The following GARIN1B variants were observed in gnomAD, a reference collection of about 807,000 sequenced individuals.
The protein encoded by GARIN1B is golgi associated RAB2 interactor 1B.
chr7:128,720,525 G>C, the GARIN1B span, among the ~76,000 whole-genome samples: 1 of 152,120 alleles, frequency 6.6e-6, no homozygotes, highest in Non-Finnish European at 1.5e-5. Flanking sequence ...GCATACCTAA[G>C]AACTCTTTGT....
At chr7:128,725,843 G>A in the GARIN1B span, among the ~76,000 whole-genome samples, 1 of 152,144 alleles carries the variant, frequency 6.6e-6, no homozygotes, top group African/African-American at 2.4e-5. Context: ...CCAGGGAGAA[G>A]GCAAAAAGGG....
At chr7:128,710,894 G>GT in the GARIN1B span, among the ~76,000 whole-genome samples, 1 of 152,020 alleles carries the variant, frequency 6.6e-6, no homozygotes, top group African/African-American at 2.4e-5. Context: ...CCAACCTCAG[G>GT]TGATCCGCCC....
the GARIN1B span, among the ~76,000 whole-genome samples, chr7:128,712,245 T>A: frequency 7.2e-5 from 11 of 152,346 alleles, no homozygotes; most frequent in African/African-American, 2.6e-4. Context: ...CCTCTAGCAA[T>A]TTTGTATCAT....
chr7:128,719,457 C>T, the GARIN1B span, among the ~76,000 whole-genome samples: 1 of 151,832 alleles, frequency 6.6e-6, no homozygotes, highest in Admixed American at 6.6e-5. Flanking sequence ...AAAAATACCC[C>T]CTCGCCCATT....
chr7:128,714,060 C>A, the GARIN1B span: 1 of 1,535,628 alleles, frequency 6.5e-7, no homozygotes, highest in South Asian at 1.2e-5. Context: ...TTTACTGAGC[C>A]AGGAGCTATA....
the GARIN1B span, chr7:128,718,719 T>G: frequency 8.0e-4 from 1,095 of 1,376,952 alleles, 12 homozygotes; most frequent in African/African-American, 0.014. Context: ...AGCACCCTCT[T>G]TTCTACCTCC....
the GARIN1B span, chr7:128,724,664 G>A: frequency 8.2e-7 from 1 of 1,223,846 alleles, no homozygotes; most frequent in Non-Finnish European, 1.1e-6. Flanking sequence ...GGGTCCTAGT[G>A]CCTATTACTT....
the GARIN1B span, chr7:128,729,753 A>G: frequency 1.0e-5 from 8 of 795,108 alleles, no homozygotes; most frequent in Non-Finnish European, 1.6e-5. Flanking sequence ...CTCTGACCTC[A>G]CAGAGGTGAG....
the GARIN1B span, among the ~76,000 whole-genome samples, chr7:128,709,724 C>A: frequency 7.3e-6 from 1 of 136,644 alleles, no homozygotes; most frequent in African/African-American, 2.7e-5. Flanking sequence ...ACATGCTAGA[C>A]AAATTCTCTC....
chr7:128,712,174 T>C, the GARIN1B span, among the ~76,000 whole-genome samples: 17 of 152,364 alleles, frequency 1.1e-4, no homozygotes, highest in African/African-American at 3.4e-4. Flanking sequence ...ACCACAAAGA[T>C]AATAAAACTT....
At chr7:128,717,188 T>C in the GARIN1B span, among the ~76,000 whole-genome samples, 7 of 152,038 alleles carry the variant, frequency 4.6e-5, no homozygotes, top group Admixed American at 2.6e-4. Flanking sequence ...CAAAGGGAGA[T>C]GTCATGTGGA....
chr7:128,714,212 T>C, the GARIN1B span: 2 of 1,351,886 alleles, frequency 1.5e-6, no homozygotes, highest in African/African-American at 2.9e-5. Context: ...TTGTCCTTTG[T>C]GTGTAATGAT....
At chr7:128,720,063 G>A in the GARIN1B span, among the ~76,000 whole-genome samples, 1 of 152,034 alleles carries the variant, frequency 6.6e-6, no homozygotes, top group East Asian at 1.9e-4. Context: ...GTATATTCTG[G>A]ATACAAGTTC....
chr7:128,725,411 G>C, the GARIN1B span, among the ~76,000 whole-genome samples: 1 of 151,276 alleles, frequency 6.6e-6, no homozygotes, highest in African/African-American at 2.4e-5. Context: ...GTCTCACTCT[G>C]TTGCCCAGGC....
the GARIN1B span, among the ~76,000 whole-genome samples, chr7:128,717,567 C>T: frequency 6.6e-6 from 1 of 151,582 alleles, no homozygotes; most frequent in East Asian, 1.9e-4. Context: ...CTGCCTCAGC[C>T]TCCCGAGTAG....
the GARIN1B span, among the ~76,000 whole-genome samples, chr7:128,730,866 C>T: frequency 3.3e-5 from 5 of 152,260 alleles, no homozygotes; most frequent in South Asian, 4.1e-4. Flanking sequence ...AGTCTTGTCT[C>T]GAACTCTCGA....
the GARIN1B span, chr7:128,713,981 T>C: frequency 3.9e-6 from 6 of 1,527,028 alleles, no homozygotes; most frequent in Non-Finnish European, 4.4e-6. Context: ...CCTTAGAGAA[T>C]GTGACCATGA....
chr7:128,727,303 C>T, the GARIN1B span, among the ~76,000 whole-genome samples: 26 of 152,278 alleles, frequency 1.7e-4, no homozygotes, highest in African/African-American at 5.3e-4. Context: ...GGAAAATCCC[C>T]GAATTACAAA....
chr7:128,716,244 G>A, the GARIN1B span, among the ~76,000 whole-genome samples: 6 of 152,190 alleles, frequency 3.9e-5, no homozygotes, highest in Admixed American at 1.3e-4. Context: ...GTGCACGTTC[G>A]TCTCCTTGCC....
Sources: gnomAD v4.1 joint callset for allele counts (sites outside exome capture counted in the v4.1 genomes callset) on GRCh38, gnomAD v4.1.1 for gene constraint, MANE v1.5 for transcripts, NCBI Gene and HGNC (gene_info 2026-07-23, HGNC 2026-07-21) for gene names.